POMT2: variants seen among roughly 807,000 people sequenced by gnomAD.
POMT2 encodes protein O-mannosyltransferase 2.
POMT2 carries 75 observed loss-of-function variants against 100.0 expected under a neutral mutation model. The ratio of observed to expected loss-of-function variants is 0.75; its 90% CI spans 0.62 to 0.91. POMT2 has a LOEUF of 0.91. Among genes scored for constraint, POMT2 ranks in the 40% least tolerant of loss-of-function variants. The pLI is 0.00. For synonymous variants in POMT2, 378 were observed against 374.1 expected (o/e 1.01, Z -0.12); for missense variants, 940 against 955.1 (o/e 0.98, Z 0.21).
At chr14:77,292,840 T>TA (rs1320468433) in intron 9 of POMT2, among the ~76,000 whole-genome samples, 2 of 152,348 alleles carry the variant, frequency 1.3e-5, no homozygotes, top group South Asian at 4.1e-4. Flanking sequence ...GTTTGTAGTC[T>TA]AGGAGCAATC....
At chr14:77,291,053 G>A (rs1005724396) in intron 10 of POMT2, among the ~76,000 whole-genome samples, 72 of 152,112 alleles carry the variant, frequency 4.7e-4, no homozygotes, top group Non-Finnish European at 2.5e-4. Context: ...TCTGGGCTCC[G>A]CTATCTGTCT....
rs767559645 is a variant in POMT2, at chr14:77,278,753, T to C, written c.2008A>G (p.Met670Val). The C allele has an allele frequency of 1.2e-6, 2 of 1,613,884 alleles. No homozygotes were observed. The highest frequency in any genetic ancestry group is 1.1e-5 in the South Asian group (1 of 91,078). Residue 670 changes from methionine (M) to valine (V), a missense_variant, in exon 19 of 21, where the codon ATG becomes GTG. Transcript: ENST00000261534. The stretch of plus-strand genomic sequence containing the variant: ...CCTGTCAACATGCTTGAGAAGAGCA[T>C]GGCTGGGAAGTAGTGGTGGAAGTAG... The part of the protein sequence containing the change: ...VLYFHHYFPA[M>V]LFSSMLTGIL...
chr14:77,320,265 C>T, intron 1 of POMT2, 169 bp downstream of exon 1: 2 of 1,148,678 alleles, frequency 1.7e-6, no homozygotes, highest in Non-Finnish European at 2.5e-6. Context: ...AACGATCCCC[C>T]TCCCAGAGAA....
At chr14:77,301,995 T>C (rs1256149556) in intron 5 of POMT2, among the ~76,000 whole-genome samples, 1 of 152,172 alleles carries the variant, frequency 6.6e-6, no homozygotes, top group African/African-American at 2.4e-5. Flanking sequence ...GCATAGTACC[T>C]GGTACACAGT....
chr14:77,304,816 A>G lies in POMT2; in HGVS notation c.439-16T>C, dbSNP rs747572959. The stretch of plus-strand genomic sequence containing the variant: ...ATGCACAGAACTGTGGGAGGAATAG[A>G]GAAGCTGTCAAATAACAAGCTGAGC... On this transcript the variant is annotated splice_polypyrimidine_tract_variant and intron_variant, in intron 3 of 20. Coordinates refer to ENST00000261534, the MANE Select transcript of POMT2 (RefSeq NM_013382.7). The G allele has an allele frequency of 6.2e-5, 98 of 1,570,722 alleles. No homozygotes were observed. The highest frequency in any genetic ancestry group is 8.3e-5 in the Non-Finnish European group (96 of 1,157,506).
chr14:77,318,972 G>A (rs1035056503), intron 1 of POMT2, among the ~76,000 whole-genome samples: 5 of 152,136 alleles, frequency 3.3e-5, no homozygotes, highest in African/African-American at 4.8e-5. Context: ...CTGACCTCAG[G>A]TGATCTGCCC....
At position 77,276,688 on chromosome 14, in the gene POMT2, C is replaced by T. The variant is rs919029987; in HGVS notation, c.*688G>A. The T allele has an allele frequency of 1.3e-5, 2 of 153,034 alleles. No individual in the cohort carries two copies. Among genetic ancestry groups the T allele is most frequent in the African/African-American group, 2.4e-5 (1 of 41,438 alleles). 9.5% of individuals were successfully genotyped at this position (153,034 alleles called of 1,614,324 possible). A position where few individuals can be genotyped will look rare whatever the true frequency, so the allele number is the denominator to read the frequency against. On this transcript the variant is annotated 3_prime_UTR_variant, in exon 21 of 21. Transcript: ENST00000261534. ...TAAGGCAGGCTGACGCTCCGGAGTC[C>T]GCTGCTCTCTGTGCGTCACAGGCAG...
chr14:77,285,359 T>C, intron 13 of POMT2, 122 bp downstream of exon 13: 1 of 1,330,372 alleles, frequency 7.5e-7, no homozygotes, highest in Non-Finnish European at 1.1e-6. Flanking sequence ...TCCCTCCATC[T>C]GCCACTAAGA....
Position 77,301,255 on chromosome 14 carries a change from A to AATC in POMT2, c.657-9_657-7dup. On this transcript the variant is annotated splice_polypyrimidine_tract_variant and splice_region_variant and intron_variant, in intron 5 of 20. Transcript: ENST00000261534. ...ACCAGGGGGCAGAGAAGGGCCTGAA[A>AATC]ATCAACAAGACGGAGTTCAATTTGG... 1 of 1,614,110 alleles carries AATC rather than the reference A, an allele frequency of 6.2e-7. No individual in the cohort carries two copies. The highest frequency in any genetic ancestry group is 8.5e-7 in the Non-Finnish European group (1 of 1,179,998).
intron 10 of POMT2, among the ~76,000 whole-genome samples, 154 bp downstream of exon 10, chr14:77,291,156 TAATA>T (rs1164096555): frequency 6.6e-6 from 1 of 152,120 alleles, no homozygotes; most frequent in Non-Finnish European, 1.5e-5. Context: ...AGTAGGTGCT[TAATA>T]AATAATAATT....
chr14:77,282,477 A>C (rs984452138), intron 15 of POMT2, among the ~76,000 whole-genome samples: 2 of 152,200 alleles, frequency 1.3e-5, no homozygotes, highest in African/African-American at 4.8e-5. Context: ...TGTTGGCTGA[A>C]TAAGAAAGCT....
chr14:77,279,739 C>T (rs1193353117), intron 18 of POMT2, 84 bp downstream of exon 18: 1 of 1,350,534 alleles, frequency 7.4e-7, no homozygotes, highest in Non-Finnish European at 1.0e-6. Flanking sequence ...AAGGATGGCC[C>T]ATCAGCAGGC....
intron 6 of POMT2, chr14:77,299,881 C>T (rs965893536): frequency 1.1e-5 from 4 of 367,384 alleles, no homozygotes; most frequent in African/African-American, 8.5e-5. Context: ...TCCAGGTACA[C>T]TAACCTCCTT....
chr14:77,280,154 G>A (rs1424096736), intron 16 of POMT2, 74 bp from the exon 17 acceptor site: 1 of 1,610,354 alleles, frequency 6.2e-7, no homozygotes, highest in African/African-American at 1.3e-5. Flanking sequence ...GGAGGAAGAT[G>A]GTCACCTTCC....
intron 6 of POMT2, 178 bp downstream of exon 6, chr14:77,300,912 C>T: frequency 9.3e-7 from 1 of 1,071,766 alleles, no homozygotes. Flanking sequence ...CTATCCAGTC[C>T]TCAGCCGGGC....
chr14:77,301,665 G>A (rs535132797), intron 5 of POMT2, among the ~76,000 whole-genome samples: 5 of 152,268 alleles, frequency 3.3e-5, no homozygotes, highest in Admixed American at 1.3e-4. Context: ...CTATGTATGC[G>A]TCACGCATCA....
intron 5 of POMT2, among the ~76,000 whole-genome samples, chr14:77,302,192 C>A (rs926596256): frequency 3.9e-5 from 6 of 152,192 alleles, no homozygotes; most frequent in Admixed American, 1.3e-4. Context: ...GAATGAATGA[C>A]TTATTCTACT....
chr14:77,317,629 T>G (rs1349920071), intron 1 of POMT2, among the ~76,000 whole-genome samples: 1 of 152,262 alleles, frequency 6.6e-6, no homozygotes, highest in African/African-American at 2.4e-5. Context: ...CTGAAGCAGT[T>G]TGGTCACCTA....
At chr14:77,301,020 A>T in intron 6 of POMT2, 70 bp downstream of exon 6, 3 of 1,610,840 alleles carry the variant, frequency 1.9e-6, no homozygotes, top group Non-Finnish European at 1.7e-6. Flanking sequence ...GAGACAGAGA[A>T]GGCCACCAGC....
Sources: gnomAD v4.1 joint callset for allele counts (sites outside exome capture counted in the v4.1 genomes callset) on GRCh38, gnomAD v4.1.1 for gene constraint, MANE v1.5 for transcripts, NCBI Gene and HGNC (gene_info 2026-07-23, HGNC 2026-07-21) for gene names.